The following PFKFB3 variants were observed in gnomAD, a reference collection of about 807,000 sequenced individuals.
The protein encoded by PFKFB3 is 6-phosphofructo-2-kinase/fructose-2,6-bisphosphatase 3.
In PFKFB3, 33 loss-of-function variants were observed where a neutral mutation model predicts 68.0. That is an observed-to-expected ratio of 0.49 (90% CI 0.37 to 0.65). The LOEUF (loss-of-function observed/expected upper bound fraction) is 0.65, where lower values mean the gene tolerates loss of function less well. PFKFB3 is among the 30% of genes least tolerant of loss of function. PFKFB3 has a pLI of 0.00. For synonymous variants in PFKFB3, 315 were observed against 288.2 expected (o/e 1.09, Z -0.94); for missense variants, 586 against 712.2 (o/e 0.82, Z 2.02).
Position 6,220,990 on chromosome 10 carries a change from G to T in PFKFB3, c.831+125G>T. 8.7e-6 allele frequency: 8 copies of T among 924,822 alleles called. No homozygotes were observed. In the South Asian group the frequency reaches 1.1e-4, roughly 13 times the overall value. The allele number at this position is 924,822 out of a possible 1,614,324, so 57.3% of individuals were successfully genotyped here. ...GCTGCTTGGTGTGCTTGCTGTGTGT[G>T]TTATCTGTGTGTGCGCCTGCACGTC... On this transcript the variant is annotated intron_variant, in intron 8 of 14. Transcript: ENST00000379775. This position sits in a 1 kb window ranked among gnomAD's most constrained non-coding sequence, Gnocchi z 4.1.
At chr10:6,214,982 C>T (rs562549035) in intron 2 of PFKFB3, among the ~76,000 whole-genome samples, 5 of 152,326 alleles carry the variant, frequency 3.3e-5, no homozygotes, top group East Asian at 3.9e-4. Flanking sequence ...GGGACAGTGT[C>T]GCAGAGCATG....
the PFKFB3 span, among the ~76,000 whole-genome samples, chr10:6,262,386 C>T: frequency 4.7e-5 from 6 of 126,406 alleles, no homozygotes; most frequent in South Asian, 2.6e-4. Flanking sequence ...CCCTGGGGGG[C>T]GGAGCCTGCA....
intron 1 of PFKFB3, among the ~76,000 whole-genome samples, chr10:6,194,905 C>T (rs1216916030): frequency 6.7e-6 from 1 of 149,572 alleles, no homozygotes; most frequent in Non-Finnish European, 1.5e-5. Flanking sequence ...CTGAGTCTTG[C>T]TCTATCACCC....
intron 1 of PFKFB3, among the ~76,000 whole-genome samples, chr10:6,206,541 G>A (rs1268779828): frequency 7.3e-5 from 8 of 109,424 alleles, no homozygotes; most frequent in South Asian, 3.1e-4. Context: ...GGGCAGAGGC[G>A]CCCCTCACCT....
intron 1 of PFKFB3, among the ~76,000 whole-genome samples, chr10:6,208,023 C>T (rs1843907475): frequency 6.6e-6 from 1 of 152,136 alleles, no homozygotes; most frequent in South Asian, 2.1e-4. Flanking sequence ...GGTATTAGTA[C>T]TGGTCAGGCC....
At chr10:6,238,708 C>G (rs899021475), downstream of PFKFB3, among the ~76,000 whole-genome samples, 1 of 152,110 alleles carries the variant, frequency 6.6e-6, no homozygotes, top group Non-Finnish European at 1.5e-5. Context: ...TCCTGATCCT[C>G]TCCCTCCTCC....
In PFKFB3 at chr10:6,222,774, C is replaced by T. The variant is rs146137754; in HGVS notation, c.1084-81C>T. 4.4e-3 allele frequency: 6,437 copies of T among 1,463,784 alleles called. 18 individuals are homozygous for T. The highest frequency in any genetic ancestry group is 5.5e-3 in the Non-Finnish European group (6,007 of 1,089,006). 90.7% of individuals were successfully genotyped at this position (1,463,784 alleles called of 1,614,324 possible). ...GATTGATTTTGCGTGGCTCTCTGGCCGGTCTGATGCAGTCTGTGGCCAGCG... is the reference window on the plus strand; with the variant it reads ...GATTGATTTTGCGTGGCTCTCTGGCTGGTCTGATGCAGTCTGTGGCCAGCG... On this transcript the variant is annotated intron_variant, in intron 10 of 14. Coordinates refer to ENST00000379775, the MANE Select transcript of PFKFB3 (RefSeq NM_004566.4).
Position 6,223,674 on chromosome 10 carries a change from G to A in PFKFB3, c.1214-284G>A, listed in dbSNP as rs75382086. On this transcript the variant is annotated intron_variant, in intron 11 of 14. Coordinates refer to ENST00000379775, the MANE Select transcript of PFKFB3 (RefSeq NM_004566.4). ...TTTTGCTCTTCTTGCGCAGGCTGCA[G>A]TGCAATGCATGCACTCACTGCAACC... 5.5e-3 allele frequency among the ~76,000 whole-genome samples: 838 copies of A among 152,236 alleles called. 8 individuals carry two copies. The highest frequency in any genetic ancestry group is 0.019 in the African/African-American group (799 of 41,526).
chr10:6,245,285 CG>C (rs939700234), intron 14 of PFKFB3, among the ~76,000 whole-genome samples: 26 of 152,036 alleles, frequency 1.7e-4, no homozygotes, highest in Admixed American at 8.5e-4. Flanking sequence ...TTAGTAGAGA[CG>C]GGGTTTCACC....
At chr10:6,276,544 G>A in the PFKFB3 span, among the ~76,000 whole-genome samples, 317 of 152,100 alleles carry the variant, frequency 2.1e-3, no homozygotes, top group African/African-American at 7.0e-3. Context: ...ATTTGGGGTC[G>A]GCCAAGTACC....
chr10:6,217,707 G>A (rs1844682184), intron 6 of PFKFB3, among the ~76,000 whole-genome samples: 2 of 152,176 alleles, frequency 1.3e-5, no homozygotes, highest in African/African-American at 4.8e-5. Flanking sequence ...GTGCAGGGGA[G>A]CTTGCCCAGA....
chr10:6,163,527 G>T (rs978950322), intron 1 of PFKFB3, among the ~76,000 whole-genome samples: 7 of 152,118 alleles, frequency 4.6e-5, no homozygotes, highest in African/African-American at 1.7e-4. Flanking sequence ...TGGGAGGTAG[G>T]GGGGCCAGAC....
chr10:6,226,143 C>T, intron 13 of PFKFB3, 49 bp from the exon 14 acceptor site: 1 of 1,478,296 alleles, frequency 6.8e-7, no homozygotes, highest in Non-Finnish European at 9.1e-7. Context: ...ATTTTCCTCC[C>T]CTTCTTTGTA....
At chr10:6,246,650 G>A (rs1310888107) in intron 14 of PFKFB3, among the ~76,000 whole-genome samples, 4 of 152,028 alleles carry the variant, frequency 2.6e-5, no homozygotes, top group African/African-American at 9.7e-5. Context: ...CCTATTTTAT[G>A]TATTATTTAT....
intron 1 of PFKFB3, among the ~76,000 whole-genome samples, chr10:6,177,345 T>G (rs865961940): frequency 1.3e-5 from 2 of 150,594 alleles, no homozygotes; most frequent in Non-Finnish European, 2.9e-5. Flanking sequence ...GGGATGTTTC[T>G]TTTCTTTTCT....
At chr10:6,274,947 A>T in the PFKFB3 span, among the ~76,000 whole-genome samples, 29,731 of 152,172 alleles carry the variant, frequency 0.2, 2,999 homozygotes, top group Middle Eastern at 0.21. Flanking sequence ...GCCTATCTTC[A>T]TAATGAAAAT....
chr10:6,278,416 C>T, the PFKFB3 span, among the ~76,000 whole-genome samples: 5 of 151,840 alleles, frequency 3.3e-5, no homozygotes, highest in African/African-American at 1.2e-4. Context: ...GCTGGGATTA[C>T]AGGCACGCAC....
chr10:6,288,264 A>C, the PFKFB3 span, among the ~76,000 whole-genome samples: 1 of 148,538 alleles, frequency 6.7e-6, no homozygotes, highest in East Asian at 2.0e-4. Context: ...CAGGTTAGTT[A>C]CACATGTATA....
intron 14 of PFKFB3, chr10:6,231,355 C>T: frequency 6.2e-7 from 1 of 1,611,564 alleles, no homozygotes; most frequent in Non-Finnish European, 8.5e-7. Context: ...CGCACCGCGT[C>T]ACGGCATCTG....
Sources: gnomAD v4.1 joint callset for allele counts (sites outside exome capture counted in the v4.1 genomes callset) on GRCh38, gnomAD v4.1.1 for gene constraint, Gnocchi (gnomAD v3.1) non-coding constraint, MANE v1.5 for transcripts, NCBI Gene and HGNC (gene_info 2026-07-23, HGNC 2026-07-21) for gene names.